ZNF568: variants seen among roughly 807,000 people sequenced by gnomAD.
ZNF568 encodes zinc finger protein 568, also known as p53 inhibitor of SCO2 activation.
Under a neutral mutation model 18.1 loss-of-function variants are expected in ZNF568, and 11 were observed. That is an observed-to-expected ratio of 0.61 (90% CI 0.38 to 1.00). ZNF568 has a LOEUF of 1.00. ZNF568 is among the 50% of genes least tolerant of loss of function. The pLI, the probability that ZNF568 is intolerant of heterozygous loss-of-function variation, is 0.01. For synonymous variants in ZNF568, 213 were observed against 246.6 expected (o/e 0.86, Z 1.28); for missense variants, 639 against 768.2 (o/e 0.83, Z 1.99).
chr19:36,940,149 A>G (rs1031819047), intron 6 of ZNF568, among the ~76,000 whole-genome samples: 1 of 152,180 alleles, frequency 6.6e-6, no homozygotes, highest in Non-Finnish European at 1.5e-5. Context: ...GAGTACCTTC[A>G]TGCTATATCT....
intron 4 of ZNF568, among the ~76,000 whole-genome samples, chr19:36,930,710 C>G (rs1018155559): frequency 1.3e-5 from 2 of 152,126 alleles, no homozygotes; most frequent in African/African-American, 4.8e-5. Flanking sequence ...AAGCTCTGTT[C>G]TGAGTCACAT....
chr19:36,946,649 C>CTTTTTTTTTT (rs33950985), intron 6 of ZNF568, among the ~76,000 whole-genome samples: 2 of 110,444 alleles, frequency 1.8e-5, no homozygotes, highest in African/African-American at 3.6e-5. Context: ...TTTTTGTTTC[C>CTTTTTTTTTT]TTTTTTTTTT....
At chr19:36,974,845 G>A (rs368217326) in intron 7 of ZNF568, among the ~76,000 whole-genome samples, 1 of 43,796 alleles carries the variant, frequency 2.3e-5, no homozygotes, top group African/African-American at 9.6e-5. Flanking sequence ...TTTTTTTTTT[G>A]AGACAGAGTC....
rs117212754 is a variant in ZNF568, at chr19:36,978,926, G to A, written c.406-78G>A. The stretch of plus-strand genomic sequence containing the variant: ...AAACCTGTGTCAGTCTCATGGTTGC[G>A]CTTGGTCTCAATTGCTGTATCTCTT... On this transcript the variant is annotated intron_variant, in intron 7 of 7. Transcript: ENST00000427117. 3.4e-3 allele frequency: 1,037 copies of A among 307,954 alleles called. 4 individuals are homozygous for A. The highest frequency in any genetic ancestry group is 5.0e-3 in the Non-Finnish European group (801 of 160,862). The allele number at this position is 307,954 out of a possible 1,614,324, so 19.1% of individuals were successfully genotyped here.
downstream of ZNF568, among the ~76,000 whole-genome samples, chr19:36,953,088 G>T (rs1444119836): frequency 6.6e-6 from 1 of 152,140 alleles, no homozygotes; most frequent in Non-Finnish European, 1.5e-5. Flanking sequence ...TTATTTACTA[G>T]CTCCGGGCAT....
intron 2 of ZNF568, among the ~76,000 whole-genome samples, chr19:36,987,881 G>A (rs892893020): frequency 7.2e-6 from 1 of 139,334 alleles, no homozygotes; most frequent in Non-Finnish European, 1.6e-5. Context: ...ATGGGGTGAA[G>A]GGATTCATTC....
chr19:36,986,997 C>T (rs554710617), intron 2 of ZNF568, among the ~76,000 whole-genome samples: 1 of 152,162 alleles, frequency 6.6e-6, no homozygotes, highest in Non-Finnish European at 1.5e-5. Flanking sequence ...CCCAGCATTG[C>T]CACTGTAACT....
intron 2 of ZNF568, among the ~76,000 whole-genome samples, chr19:36,988,692 A>T (rs1178437372): frequency 6.6e-6 from 1 of 152,192 alleles, no homozygotes; most frequent in East Asian, 1.9e-4. Flanking sequence ...GAGTGGGGAC[A>T]CAGATCCAAA....
In ZNF568 at chr19:36,950,560, T is replaced by C. The variant is rs546589; in HGVS notation, c.1407T>C (p.Thr469=). ...ENLITHQKIH[T]GEKPYECSEC... ...TCATTACACATCAGAAAATTCACAC[T>C]GGAGAGAAACCTTATGAATGCAGTG... The change falls in exon 7 of 7, where the codon ACT becomes ACC. Residue 469 remains threonine (T), a synonymous_variant. Coordinates refer to ENST00000333987, the MANE Select transcript of ZNF568 (RefSeq NM_198539.4). The C allele has an allele frequency of 0.58, 932,086 of 1,613,706 alleles. 272,707 individuals carry two copies. Among genetic ancestry groups the C allele is most frequent in the African/African-American group, 0.75 (56,242 of 74,930 alleles).
At chr19:36,955,109 T>C (rs144762887), downstream of ZNF568, among the ~76,000 whole-genome samples, 961 of 152,170 alleles carry the variant, frequency 6.3e-3, 29 homozygotes, top group East Asian at 0.052. Context: ...TGAGCCACCA[T>C]GCCCAGCCTG....
downstream of ZNF568, among the ~76,000 whole-genome samples, chr19:36,982,285 C>T (rs1600852604): frequency 6.6e-6 from 1 of 152,212 alleles, no homozygotes; most frequent in Non-Finnish European, 1.5e-5. Flanking sequence ...CTTATGTTTG[C>T]ACTTGTTTTT....
At chr19:36,945,216 T>A (rs1412255064) in intron 6 of ZNF568, among the ~76,000 whole-genome samples, 1 of 93,700 alleles carries the variant, frequency 1.1e-5, no homozygotes, top group Non-Finnish European at 2.9e-5. Context: ...GAGAAGTGTG[T>A]GTGTGTGTGT....
In ZNF568 at chr19:36,934,405, C is replaced by A. The variant is rs142748290; in HGVS notation, c.136-2341C>A. ...CTCAGTGCAGCCTTGATCTCCCAGG[C>A]TCAGGTGATCCTGCCACTTCAGCCC... On this transcript the variant is annotated intron_variant, in intron 4 of 6. Coordinates refer to ENST00000333987, the MANE Select transcript of ZNF568 (RefSeq NM_198539.4). 6.6e-4 allele frequency among the ~76,000 whole-genome samples: 100 copies of A among 151,256 alleles called. 1 individual carries two copies. The East Asian group carries it at 0.017, about 25-fold the overall frequency.
rs756753403 is a variant in ZNF568, at chr19:36,950,888, A to T, written c.1735A>T (p.Ser579Cys). The T allele has an allele frequency of 6.2e-7, 1 of 1,613,540 alleles. No individual in the cohort carries two copies. The part of the protein sequence containing the change: ...RISSLTLHVR[S>C]HTGEKPYECN... ...CTCATCCCTCACTCTTCATGTGAGA[A>T]GTCACACAGGGGAGAAACCCTATGA... The change falls in exon 7 of 7, where the codon AGT becomes TGT. Residue 579 changes from serine (S) to cysteine (C), a missense_variant. Transcript: ENST00000333987.
intron 4 of ZNF568, among the ~76,000 whole-genome samples, chr19:36,994,388 T>A (rs2074451570): frequency 6.6e-6 from 1 of 152,216 alleles, no homozygotes; most frequent in African/African-American, 2.4e-5. Context: ...CTCCTGTTGT[T>A]GAGTGGAATG....
At chr19:36,963,071 T>C (rs2074167370) in intron 6 of ZNF568, among the ~76,000 whole-genome samples, 1 of 152,194 alleles carries the variant, frequency 6.6e-6, no homozygotes, top group African/African-American at 2.4e-5. Context: ...AAATAGGTTT[T>C]CATTGCTAAA....
intron 6 of ZNF568, among the ~76,000 whole-genome samples, chr19:36,971,949 CTT>C (rs1252299269): frequency 4.7e-5 from 7 of 149,566 alleles, no homozygotes; most frequent in Non-Finnish European, 8.9e-5. Flanking sequence ...AAGGTATTCT[CTT>C]AGCCTCCTGA....
intron 7 of ZNF568, among the ~76,000 whole-genome samples, chr19:36,975,406 C>T (rs1344242077): frequency 2.0e-5 from 3 of 150,550 alleles, no homozygotes; most frequent in Non-Finnish European, 4.4e-5. Context: ...CTAGGCCTCC[C>T]AATGGAGCCT....
At chr19:36,964,556 T>C (rs1334640110) in intron 6 of ZNF568, among the ~76,000 whole-genome samples, 1 of 152,196 alleles carries the variant, frequency 6.6e-6, no homozygotes, top group Non-Finnish European at 1.5e-5. Context: ...CTCATGCCTA[T>C]AATCCTCGCA....
Sources: allele counts gnomAD v4.1 joint callset (sites outside exome capture counted in the v4.1 genomes callset), GRCh38; gene constraint gnomAD v4.1.1; transcripts MANE v1.5; gene names NCBI Gene and HGNC (gene_info 2026-07-23, HGNC 2026-07-21).